The following ZIK1 variants were observed in gnomAD, a reference collection of about 807,000 sequenced individuals.
ZIK1 encodes the protein zinc finger protein interacting with K protein 1.
In ZIK1, 12 loss-of-function variants were observed where a neutral mutation model predicts 10.7. That is an observed-to-expected ratio of 1.12 (90% CI 0.72 to 1.81). The LOEUF is 1.81. Among genes scored for constraint, ZIK1 ranks in the 40% most tolerant of loss-of-function variants. The pLI, the probability that ZIK1 is intolerant of heterozygous loss-of-function variation, is 0.00. For synonymous variants in ZIK1, 190 were observed against 205.0 expected, an observed-to-expected ratio of 0.93 and a Z score of 0.63; for missense variants, 497 against 585.7, an observed-to-expected ratio of 0.85 and a Z score of 1.56.
In ZIK1 at chr19:57,588,726, C is replaced by T. The variant is rs79240665; in HGVS notation, c.199+61C>T. 11,491 of 1,373,292 alleles carry T rather than the reference C, an allele frequency of 8.4e-3. 832 individuals carry two copies. In the African/African-American group the frequency reaches 0.15, roughly 18 times the overall value. 85.1% of individuals were successfully genotyped at this position (1,373,292 alleles called of 1,614,324 possible). On this transcript the variant is annotated intron_variant, in intron 3 of 3. Transcript: ENST00000597850. ...GTCTATGGTCTTTTGCTGACTTCTC[C>T]ACTTTCTTGGGATATGTGCTATGGG... is the stretch of plus-strand genomic sequence containing the variant.
chr19:57,587,635 G>T (rs897718727), intron 2 of ZIK1, among the ~76,000 whole-genome samples: 1 of 152,200 alleles, frequency 6.6e-6, no homozygotes. Flanking sequence ...AGATCTGTGA[G>T]AAATAAATTT....
rs1352939675 is a variant in ZIK1, at chr19:57,591,322, C to T, written c.*47C>T. On this transcript the variant is annotated 3_prime_UTR_variant, in exon 4 of 4. Coordinates refer to ENST00000597850, the MANE Select transcript of ZIK1 (RefSeq NM_001010879.4). ...TGTGGAAGCGCCTTCAACTCAAGATCTATCATCATTTAGCTCCTGAAAGTC... is the reference window on the plus strand; with the variant it reads ...TGTGGAAGCGCCTTCAACTCAAGATTTATCATCATTTAGCTCCTGAAAGTC... 2.6e-6 allele frequency: 4 copies of T among 1,538,750 alleles called. No individual in the cohort carries two copies. Among genetic ancestry groups the T allele is most frequent in the Non-Finnish European group, 3.5e-6 (4 of 1,139,162 alleles).
chr19:57,590,898 A>G lies in ZIK1; in HGVS notation c.1087A>G (p.Ser363Gly). 6.2e-7 allele frequency: 1 copy of G among 1,608,890 alleles called. No individual in the cohort carries two copies. The highest frequency in any genetic ancestry group is 8.5e-7 in the Non-Finnish European group (1 of 1,176,200). Residue 363 changes from serine (S) to glycine (G), a missense_variant, in exon 4 of 4, where the codon AGT (serine) becomes GGT (glycine). Coordinates refer to ENST00000597850, the MANE Select transcript of ZIK1 (RefSeq NM_001010879.4). Reference protein sequence around the residue: ...CGECGNSFSQSAILNQHRRIH... With the variant: ...CGECGNSFSQGAILNQHRRIH... ...TGAATGTGGGAATTCCTTTAGTCAAAGTGCCATTCTTAATCAACACCGAAG... is the reference window on the plus strand; with the variant it reads ...TGAATGTGGGAATTCCTTTAGTCAAGGTGCCATTCTTAATCAACACCGAAG...
chr19:57,584,643 C>A (rs1264297682), intron 1 of ZIK1: 10 of 1,383,854 alleles, frequency 7.2e-6, no homozygotes, highest in Non-Finnish European at 9.3e-6. Flanking sequence ...TCTTAGGATG[C>A]TAGGAGCCGT....
Position 57,591,385 on chromosome 19 carries a change from C to T in ZIK1, c.*110C>T. 2.2e-5 allele frequency: 25 copies of T among 1,130,290 alleles called. 1 individual carries two copies. The South Asian group carries it at 4.0e-4, about 18-fold the overall frequency. 70.0% of individuals were successfully genotyped at this position (1,130,290 alleles called of 1,614,324 possible). A position where few individuals can be genotyped will look rare whatever the true frequency, so the allele number is the denominator to read the frequency against. ...GAGCCTTAGACCTACAGGGAAAGTG[C>T]TGTCTCTGTAGTATTGTAGCAGTAG... On this transcript the variant is annotated 3_prime_UTR_variant, in exon 4 of 4. Transcript: ENST00000597850.
In ZIK1 at chr19:57,590,054, G is replaced by C. The variant is rs1393217873; in HGVS notation, c.243G>C (p.Gln81His). 6.2e-7 allele frequency: 1 copy of C among 1,614,208 alleles called. No homozygotes were observed. The highest frequency in any genetic ancestry group is 1.1e-5 in the South Asian group (1 of 91,084). The change falls in exon 4 of 4, where the codon CAG becomes CAC. Residue 81 changes from glutamine (Q) to histidine (H), a missense_variant. Gln to His is a conservative substitution (Grantham distance 24). Transcript: ENST00000597850. ...GTEDEETPSD[Q>H]NVSVGVSQSK... ...AGGATGAAGAGACACCTTCTGACCA[G>C]AATGTTTCTGTAGGAGTGTCACAGT...
rs1187367597 is a variant in ZIK1 at position 57,592,915 on chromosome 19, C to A, written c.*1640C>A. ...GATTCACCTCTTGCTGTTTTACAAT[C>A]TCTGCGTGTACTTTCCAGGCCTTCA... On this transcript the variant is annotated 3_prime_UTR_variant, in exon 4 of 4. Transcript: ENST00000597850. 3 of 152,096 alleles carry A rather than the reference C, an allele frequency of 2.0e-5. No individual in the cohort carries two copies. The highest frequency in any genetic ancestry group is 2.0e-4 in the Admixed American group (3 of 15,266). The allele number at this position is 152,096 out of a possible 1,614,324, so 9.4% of individuals were successfully genotyped here. A position where few individuals can be genotyped will look rare whatever the true frequency, so the allele number is the denominator to read the frequency against.
rs59607792 is a variant in ZIK1, at chr19:57,585,883, A to ATTT, written c.72+912_72+914dup. On this transcript the variant is annotated intron_variant, in intron 2 of 3. Transcript: ENST00000597850. ...GCTACCGTGCTACCATGCCCAGCGAATTTTTTTTTTTTTTTTTTTTTGTAT... is the reference window on the plus strand; with the variant it reads ...GCTACCGTGCTACCATGCCCAGCGAATTTTTTTTTTTTTTTTTTTTTTTTGTAT... Among the ~76,000 whole-genome samples the ATTT allele has an allele frequency of 2.8e-3, 359 of 130,084 alleles. 4 individuals are homozygous for ATTT. The highest frequency in any genetic ancestry group is 9.6e-3 in the African/African-American group (329 of 34,350). The allele number at this position is 130,084 out of a possible 152,430, so 85.3% of individuals were successfully genotyped here.
At chr19:57,589,598 A>G (rs569889248) in intron 3 of ZIK1, 4 of 985,462 alleles carry the variant, frequency 4.1e-6, no homozygotes, top group South Asian at 9.4e-5. Context: ...ATGTGATCAT[A>G]TCACTTGCTA....
In ZIK1 at chr19:57,584,378, G is replaced by T. The variant is rs775597677; in HGVS notation, c.22G>T (p.Ala8Ser). 1 of 1,606,924 alleles carries T rather than the reference G, an allele frequency of 6.2e-7. No homozygotes were observed. The highest frequency in any genetic ancestry group is 8.5e-7 in the Non-Finnish European group (1 of 1,177,608). Residue 8 changes from alanine to serine, a missense_variant, in exon 1 of 4, where the codon GCC becomes TCC. Physicochemically the swap from Ala to Ser is moderately conservative, Grantham distance 99. Transcript: ENST00000597850. ...TCCGATGGCTGCGGCCGCGCTGAGG[G>T]CCCCGACTCAGGTGAGCGCTGCCTC... is the stretch of plus-strand genomic sequence containing the variant. Reference protein sequence around the residue: MAAAALRAPTQVTVSPET... With the variant: MAAAALRSPTQVTVSPET...
chr19:57,585,743 CTG>C (rs1489676667), intron 2 of ZIK1, among the ~76,000 whole-genome samples: 4 of 152,286 alleles, frequency 2.6e-5, no homozygotes, highest in Non-Finnish European at 5.9e-5. Flanking sequence ...CAGTCTCACT[CTG>C]TCACTCAGGC....
Position 57,591,249 on chromosome 19 carries a change from C to T in ZIK1, c.1438C>T (p.His480Tyr), listed in dbSNP as rs1294830724. 2 of 1,611,212 alleles carry T rather than the reference C, an allele frequency of 1.2e-6. No individual in the cohort carries two copies. Among genetic ancestry groups the T allele is most frequent in the South Asian group, 2.2e-5 (2 of 90,924 alleles). ...CTTTAGCCAATGCTCCAGCCTCATA[C>T]ATCACCAAAAATGTCATAACACATA... The part of the protein sequence containing the change: ...NSFSQCSSLI[H>Y]HQKCHNT The change falls in exon 4 of 4, where the codon CAT becomes TAT. Residue 480 changes from histidine to tyrosine, a missense_variant. Transcript: ENST00000597850.
In ZIK1 at chr19:57,590,231, TG is replaced by T; in HGVS notation, c.421del (p.Ala141GlnfsTer5). The T allele has an allele frequency of 6.2e-7, 1 of 1,614,174 alleles. No individual in the cohort carries two copies. The highest frequency in any genetic ancestry group is 8.5e-7 in the Non-Finnish European group (1 of 1,180,040). On this transcript the variant is annotated frameshift_variant, in exon 4 of 4. Coordinates refer to ENST00000597850, the MANE Select transcript of ZIK1 (RefSeq NM_001010879.4). LOFTEE classifies it low-confidence loss of function (END_TRUNC). ...NHHQHQKHHS[A>X]KKSLKRDMDR... ...ATCACCAGCACCAGAAGCATCACAGTGCAAAGAAATCCTTGAAGAGGGACAT... is the reference window on the plus strand; with the variant it reads ...ATCACCAGCACCAGAAGCATCACAGTCAAAGAAATCCTTGAAGAGGGACAT...
At position 57,585,021 on chromosome 19, in the gene ZIK1, G is replaced by C. The variant is rs757483907; in HGVS notation, c.72+31G>C. Reference sequence around the variant, plus strand: ...TGGAGGGTGTCCCAGGCCCTCACTGGTCCTGGCCCCATCCTGGGGTTTTTT... The same window carrying C: ...TGGAGGGTGTCCCAGGCCCTCACTGCTCCTGGCCCCATCCTGGGGTTTTTT... On this transcript the variant is annotated intron_variant, in intron 2 of 3. Transcript: ENST00000597850. 8.7e-6 allele frequency: 14 copies of C among 1,600,186 alleles called. No homozygotes were observed. In the South Asian group the frequency reaches 1.0e-4, roughly 12 times the overall value.
At position 57,592,027 on chromosome 19, in the gene ZIK1, T is replaced by A. The variant is rs2240023; in HGVS notation, c.*752T>A. On this transcript the variant is annotated 3_prime_UTR_variant, in exon 4 of 4. Coordinates refer to ENST00000597850, the MANE Select transcript of ZIK1 (RefSeq NM_001010879.4). ...AAATGCAAGGTTTTGGTTATTCTAATTTGTGGCCTGGATCCCTATTCTTTC... is the reference window on the plus strand; with the variant it reads ...AAATGCAAGGTTTTGGTTATTCTAAATTGTGGCCTGGATCCCTATTCTTTC... The A allele has an allele frequency of 6.6e-6, 1 of 152,130 alleles. No homozygotes were observed. Among genetic ancestry groups the A allele is most frequent in the Non-Finnish European group, 1.5e-5 (1 of 68,032 alleles). 9.4% of individuals were successfully genotyped at this position (152,130 alleles called of 1,614,324 possible).
intron 2 of ZIK1, 94 bp downstream of exon 2, chr19:57,585,084 A>C (rs1599916874): frequency 8.2e-7 from 1 of 1,219,764 alleles, no homozygotes; most frequent in Non-Finnish European, 1.1e-6. Flanking sequence ...CTTTGACCTA[A>C]GGACTCTTCA....
At position 57,590,666 on chromosome 19, in the gene ZIK1, T is replaced by C; in HGVS notation, c.855T>C (p.His285=). Residue 285 remains histidine (H), a synonymous_variant, in exon 4 of 4, where the codon CAT becomes CAC. Coordinates refer to ENST00000597850, the MANE Select transcript of ZIK1 (RefSeq NM_001010879.4). ...GCCAAACCTCCCACCTGAATGATCA[T>C]CGGAGAATCCACACCGGAGAAAGGC... The part of the protein sequence containing the change: ...FFSQTSHLND[H]RRIHTGERPY... 6.2e-7 allele frequency: 1 copy of C among 1,614,000 alleles called. No individual in the cohort carries two copies. Among genetic ancestry groups the C allele is most frequent in the South Asian group, 1.1e-5 (1 of 91,080 alleles).
Position 57,591,287 on chromosome 19 carries a change from A to C in ZIK1, c.*12A>C, listed in dbSNP as rs542378437. On this transcript the variant is annotated 3_prime_UTR_variant, in exon 4 of 4. Transcript: ENST00000597850. ...GTCATAACACATAGAGGCCTCATGA[A>C]TGCAGCAAATGTGGAAGCGCCTTCA... 1.3e-6 allele frequency: 2 copies of C among 1,582,066 alleles called. No homozygotes were observed. The highest frequency in any genetic ancestry group is 2.3e-5 in the South Asian group (2 of 87,406).
In ZIK1 at chr19:57,585,001, G is replaced by A. The variant is rs751841685; in HGVS notation, c.72+11G>A. 3.1e-6 allele frequency: 5 copies of A among 1,612,916 alleles called. No individual in the cohort carries two copies. The highest frequency in any genetic ancestry group is 1.7e-4 in the Middle Eastern group (1 of 6,054). ...ATGGACCTCACAAAGGTGAGTGGAGGGTGTCCCAGGCCCTCACTGGTCCTG... is the reference window on the plus strand; with the variant it reads ...ATGGACCTCACAAAGGTGAGTGGAGAGTGTCCCAGGCCCTCACTGGTCCTG... On this transcript the variant is annotated intron_variant, in intron 2 of 3. Coordinates refer to ENST00000597850, the MANE Select transcript of ZIK1 (RefSeq NM_001010879.4).
Sources: allele counts gnomAD v4.1 joint callset (sites outside exome capture counted in the v4.1 genomes callset), GRCh38; gene constraint gnomAD v4.1.1; transcripts MANE v1.5; gene names NCBI Gene and HGNC (gene_info 2026-07-23, HGNC 2026-07-21).